The following LGR6 variants were observed in gnomAD, a reference collection of about 807,000 sequenced individuals.
LGR6 encodes leucine-rich repeat-containing G protein-coupled receptor 6.
LGR6 carries 45 observed loss-of-function variants against 69.4 expected under a neutral mutation model. That is an observed-to-expected ratio of 0.65 (90% CI 0.51 to 0.83). The LOEUF (loss-of-function observed/expected upper bound fraction) is 0.83, where lower values mean the gene tolerates loss of function less well. Ranked by LOEUF, LGR6 falls within the 40% of genes least tolerant of loss-of-function variation. The pLI is 0.00. For synonymous variants in LGR6, 538 were observed against 555.0 expected (o/e 0.97, Z 0.43); for missense variants, 1,108 against 1,246.7 (o/e 0.89, Z 1.68).
In LGR6 at chr1:202,318,737, C is replaced by G; in HGVS notation, c.2434C>G (p.Leu812Val). Residue 812 changes from leucine (L) to valine (V), a missense_variant, in exon 18 of 18, where the codon CTG (leucine) becomes GTG (valine). By Grantham distance (32) the Leu-to-Val change is conservative. Coordinates refer to ENST00000367278, the MANE Select transcript of LGR6 (RefSeq NM_001017403.2). The part of the protein sequence containing the change: ...PVTPEAVKSV[L>V]LVVLPLPACL... ...CACGCCCGAGGCCGTCAAGTCTGTC[C>G]TGCTGGTGGTGCTGCCCCTGCCTGC... 6.2e-7 allele frequency: 1 copy of G among 1,613,616 alleles called. No homozygotes were observed. Among genetic ancestry groups the G allele is most frequent in the Non-Finnish European group, 8.5e-7 (1 of 1,180,020 alleles).
At chr1:202,272,294 C>T (rs1665169924) in intron 4 of LGR6, among the ~76,000 whole-genome samples, 2 of 152,172 alleles carry the variant, frequency 1.3e-5, no homozygotes, top group Admixed American at 6.5e-5. Context: ...CATGCCCCAC[C>T]CCCAAGCCCA....
At chr1:202,194,698 G>A (rs1467803372) in intron 1 of LGR6, 9 of 238,818 alleles carry the variant, frequency 3.8e-5, no homozygotes, top group Non-Finnish European at 6.7e-5. Context: ...GGTGGCCTTC[G>A]TGGGGGCGGG....
chr1:202,307,259 GA>G, intron 13 of LGR6, 70 bp from the exon 14 acceptor site: 10 of 1,445,914 alleles, frequency 6.9e-6, no homozygotes, highest in Non-Finnish European at 9.7e-6. Flanking sequence ...ATGTGAGGGG[GA>G]GCCCATGATG....
Position 202,317,980 on chromosome 1 carries a change from T to C in LGR6, c.1677T>C (p.Phe559=). Residue 559 remains phenylalanine, a synonymous_variant, in exon 18 of 18, where the codon TTT becomes TTC. Coordinates refer to ENST00000367278, the MANE Select transcript of LGR6 (RefSeq NM_001017403.2). ...CCTTCAAGCCCTGTGAGTACCTCTT[T>C]GAAAGCTGGGGCATCCGCCTGGCCG... ...PGPFKPCEYL[F]ESWGIRLAVW... 1 of 1,613,308 alleles carries C rather than the reference T, an allele frequency of 6.2e-7. No homozygotes were observed. The highest frequency in any genetic ancestry group is 8.5e-7 in the Non-Finnish European group (1 of 1,179,546).
intron 6 of LGR6, among the ~76,000 whole-genome samples, chr1:202,288,957 T>A (rs1340350715): frequency 6.6e-6 from 1 of 151,718 alleles, no homozygotes; most frequent in Non-Finnish European, 1.5e-5. Context: ...CCTACAGAGG[T>A]CTGATTGCAT....
rs767577005 is a variant in LGR6 at position 202,235,964 on chromosome 1, G to A, written c.399G>A (p.Ala133=). The change falls in exon 4 of 18, where the codon GCG becomes GCA. Residue 133 remains alanine (A), a synonymous_variant. Transcript: ENST00000367278. ...NNQLGGIPAE[A]LWELPSLQSL... ...AGCTGGGAGGAATCCCCGCAGAGGC[G>A]CTGTGGGAGCTGCCGAGCCTGCAGT... 3.7e-6 allele frequency: 6 copies of A among 1,613,740 alleles called. No individual in the cohort carries two copies. Among genetic ancestry groups the A allele is most frequent in the South Asian group, 3.3e-5 (3 of 91,080 alleles).
intron 1 of LGR6, among the ~76,000 whole-genome samples, chr1:202,204,756 C>CACCTA (rs1558004078): frequency 3.9e-4 from 9 of 23,276 alleles, no homozygotes; most frequent in Non-Finnish European, 5.3e-4. Context: ...CAAACACACA[C>CACCTA]ACACACCCCT....
rs555771948 is a variant in LGR6, at chr1:202,218,885, C to A, written c.213-6538C>A. Among the ~76,000 whole-genome samples the A allele has an allele frequency of 2.6e-5, 4 of 152,194 alleles. No homozygotes were observed. The South Asian group carries it at 8.3e-4, about 32-fold the overall frequency. ...GCGGAGTACATATATGGAGGTTTGC[C>A]GTCCCTTTGTGAGTAAAAAGTCCTT... On this transcript the variant is annotated intron_variant, in intron 1 of 17. Coordinates refer to ENST00000367278, the MANE Select transcript of LGR6 (RefSeq NM_001017403.2).
At chr1:202,260,015 CAAG>C (rs1441866503) in intron 4 of LGR6, among the ~76,000 whole-genome samples, 2 of 152,192 alleles carry the variant, frequency 1.3e-5, no homozygotes, top group Non-Finnish European at 2.9e-5. Flanking sequence ...AAGTAAAAGC[CAAG>C]AAGAATTCCC....
chr1:202,291,142 A>G (rs887214259), intron 6 of LGR6, among the ~76,000 whole-genome samples: 9 of 152,206 alleles, frequency 5.9e-5, no homozygotes, highest in African/African-American at 2.2e-4. Flanking sequence ...GAGCAGATGA[A>G]GGGGTGTCTT....
At chr1:202,290,431 C>T (rs1379275688) in intron 6 of LGR6, among the ~76,000 whole-genome samples, 2 of 152,246 alleles carry the variant, frequency 1.3e-5, no homozygotes, top group South Asian at 2.1e-4. Flanking sequence ...TTTTGTTAGC[C>T]CTGCTATTTA....
Position 202,297,523 on chromosome 1 carries a change from C to T in LGR6, c.732C>T (p.Asn244=), listed in dbSNP as rs771765546. The change falls in exon 7 of 18, where the codon AAC becomes AAT. Residue 244 remains asparagine, a synonymous_variant. Coordinates refer to ENST00000367278, the MANE Select transcript of LGR6 (RefSeq NM_001017403.2). ...HNLETLDLNY[N]KLQEFPVAIR... ...TCTGTTCCAGAGACCTGAATTATAA[C>T]AAGCTGCAGGAGTTCCCTGTGGCCA... 3.6e-5 allele frequency: 58 copies of T among 1,613,728 alleles called. No individual in the cohort carries two copies. Among genetic ancestry groups the T allele is most frequent in the Non-Finnish European group, 4.6e-5 (54 of 1,179,864 alleles).
intron 1 of LGR6, among the ~76,000 whole-genome samples, chr1:202,216,029 T>A (rs1365636188): frequency 6.6e-6 from 1 of 152,218 alleles, no homozygotes; most frequent in Non-Finnish European, 1.5e-5. Flanking sequence ...TGTCCCCACT[T>A]ACTTGGCTCT....
In LGR6 at chr1:202,318,097, G is replaced by T. The variant is rs2148326649; in HGVS notation, c.1794G>T (p.Lys598Asn). 6.2e-7 allele frequency: 1 copy of T among 1,614,224 alleles called. No individual in the cohort carries two copies. The highest frequency in any genetic ancestry group is 8.5e-7 in the Non-Finnish European group (1 of 1,180,038). Residue 598 changes from lysine (K) to asparagine (N), a missense_variant, in exon 18 of 18, where the codon AAG becomes AAT. Transcript: ENST00000367278. ...GGCCTGTCCCCCTGCCCCCGGTCAA[G>T]TTTGTGGTAGGTGCGATTGCAGGCG... ...AGGPVPLPPVKFVVGAIAGAN... is the reference protein window; with the variant it reads ...AGGPVPLPPVNFVVGAIAGAN...
intron 1 of LGR6, among the ~76,000 whole-genome samples, chr1:202,200,736 G>A (rs573082085): frequency 2.0e-4 from 30 of 152,264 alleles, no homozygotes; most frequent in Admixed American, 1.6e-3. Flanking sequence ...CTCTCCTCCC[G>A]CCCTTCAGAC....
At chr1:202,299,327 G>A (rs1252975700) in intron 7 of LGR6, among the ~76,000 whole-genome samples, 1 of 151,538 alleles carries the variant, frequency 6.6e-6, no homozygotes, top group Admixed American at 6.6e-5. Context: ...GAGTCACCAA[G>A]GTCTAACTTT....
At chr1:202,195,135 C>CT (rs2147881965) in intron 1 of LGR6, among the ~76,000 whole-genome samples, 1 of 150,922 alleles carries the variant, frequency 6.6e-6, no homozygotes, top group South Asian at 2.1e-4. Flanking sequence ...TCTGCAGGCT[C>CT]TATCAACTTC....
At chr1:202,309,023 C>T in intron 14 of LGR6, 28 bp from the exon 15 acceptor site, 1 of 1,612,736 alleles carries the variant, frequency 6.2e-7, no homozygotes, top group African/African-American at 1.3e-5. Flanking sequence ...CACTGACTGC[C>T]AATAACCCTG....
chr1:202,258,328 C>T (rs1329319639), intron 4 of LGR6, among the ~76,000 whole-genome samples: 3 of 151,866 alleles, frequency 2.0e-5, no homozygotes, highest in African/African-American at 7.2e-5. Context: ...TATGAAGGTG[C>T]CGTCACTTCC....
Sources: gnomAD v4.1 joint callset for allele counts (sites outside exome capture counted in the v4.1 genomes callset) on GRCh38, gnomAD v4.1.1 for gene constraint, MANE v1.5 for transcripts, NCBI Gene and HGNC (gene_info 2026-07-23, HGNC 2026-07-21) for gene names.